CAMK4: variants seen among roughly 807,000 people sequenced by gnomAD.
CAMK4 encodes calcium/calmodulin dependent protein kinase IV.
CAMK4 carries 22 observed loss-of-function variants against 44.9 expected under a neutral mutation model. The ratio of observed to expected loss-of-function variants is 0.49; its 90% CI spans 0.35 to 0.70. The LOEUF is 0.70. Ranked by LOEUF, CAMK4 falls within the 30% of genes least tolerant of loss-of-function variation. The pLI, the probability that CAMK4 is intolerant of heterozygous loss-of-function variation, is 0.01. For synonymous variants in CAMK4, 218 were observed against 215.4 expected, an observed-to-expected ratio of 1.01 and a Z score of -0.11; for missense variants, 498 against 586.8, an observed-to-expected ratio of 0.85 and a Z score of 1.56.
In CAMK4 at chr5:111,488,354, T is replaced by C. The variant is rs1239110051; in HGVS notation, c.*3888T>C. 6.6e-6 allele frequency: 1 copy of C among 152,234 alleles called. No homozygotes were observed. 9.4% of individuals were successfully genotyped at this position (152,234 alleles called of 1,614,324 possible). A position where few individuals can be genotyped will look rare whatever the true frequency, so the allele number is the denominator to read the frequency against. On this transcript the variant is annotated 3_prime_UTR_variant, in exon 11 of 11. Transcript: ENST00000282356. ...AATCAACACTGCCATTACACATGGA[T>C]TTAACAAAAGACTTTTGAAAATTTT...
At chr5:111,391,449 T>G (rs1184393242) in intron 4 of CAMK4, among the ~76,000 whole-genome samples, 1 of 150,762 alleles carries the variant, frequency 6.6e-6, no homozygotes, top group Non-Finnish European at 1.5e-5. Flanking sequence ...GAGCTGGAGG[T>G]CAATAGAGGA....
intron 7 of CAMK4, among the ~76,000 whole-genome samples, chr5:111,459,772 G>A (rs1266291217): frequency 1.4e-4 from 19 of 138,840 alleles, no homozygotes; most frequent in Non-Finnish European, 2.9e-4. Context: ...TCCGCTCACT[G>A]CATCACTGCA....
At chr5:111,371,194 C>T (rs1207464734) in intron 2 of CAMK4, among the ~76,000 whole-genome samples, 1 of 152,168 alleles carries the variant, frequency 6.6e-6, no homozygotes, top group South Asian at 2.1e-4. Context: ...CCTGACACCA[C>T]TGACTGGCTA....
intron 5 of CAMK4, among the ~76,000 whole-genome samples, chr5:111,397,649 C>CTGTT (rs1491269641): frequency 1.1e-5 from 1 of 88,506 alleles, no homozygotes; most frequent in Non-Finnish European, 2.4e-5. Context: ...AGTCAGCATG[C>CTGTT]TGTGTGTGTG....
At chr5:111,469,162 AAAAAAAAAAAATATATAT>A (rs1754961374) in intron 7 of CAMK4, among the ~76,000 whole-genome samples, 1 of 73,494 alleles carries the variant, frequency 1.4e-5, no homozygotes, top group African/African-American at 6.2e-5. Context: ...AAAAAAAAAA[AAAAAAAAAAAATATATAT>A]ATATATATAT....
At chr5:111,391,127 A>G (rs1364325205) in intron 4 of CAMK4, among the ~76,000 whole-genome samples, 3 of 152,170 alleles carry the variant, frequency 2.0e-5, no homozygotes, top group Admixed American at 6.6e-5. Flanking sequence ...ACAAAAATCT[A>G]AAGTCCCTTG....
At chr5:111,467,795 G>GTT (rs1169182460) in intron 7 of CAMK4, among the ~76,000 whole-genome samples, 1 of 152,162 alleles carries the variant, frequency 6.6e-6, no homozygotes, top group Non-Finnish European at 1.5e-5. Context: ...ACAGTGTGGA[G>GTT]ATTCCTTAAA....
intron 9 of CAMK4, among the ~76,000 whole-genome samples, chr5:111,478,935 T>A (rs1265788473): frequency 6.6e-6 from 1 of 152,224 alleles, no homozygotes. Flanking sequence ...TGGAGTGTAA[T>A]GGCATGATCA....
At chr5:111,350,206 A>G (rs1750034348) in intron 2 of CAMK4, among the ~76,000 whole-genome samples, 1 of 152,054 alleles carries the variant, frequency 6.6e-6, no homozygotes, top group Admixed American at 6.6e-5. Context: ...TAAAATAAAT[A>G]TTTCCCACCA....
intron 7 of CAMK4, among the ~76,000 whole-genome samples, chr5:111,463,731 A>G (rs1754721829): frequency 6.6e-6 from 1 of 152,212 alleles, no homozygotes; most frequent in Non-Finnish European, 1.5e-5. Flanking sequence ...GGCTAGATCC[A>G]GAAGATTAAT....
intron 1 of CAMK4, among the ~76,000 whole-genome samples, chr5:111,321,415 C>A (rs1748657160): frequency 6.6e-6 from 1 of 151,202 alleles, no homozygotes. Context: ...AATAAGCCAC[C>A]AACCTTGCCT....
chr5:111,296,367 A>G (rs1261681904), intron 1 of CAMK4, among the ~76,000 whole-genome samples: 3 of 152,246 alleles, frequency 2.0e-5, no homozygotes, highest in Non-Finnish European at 2.9e-5. Flanking sequence ...GTTGGCATTT[A>G]TATTATAGAA....
chr5:111,357,144 G>C (rs1228957678), intron 2 of CAMK4, among the ~76,000 whole-genome samples: 1 of 152,072 alleles, frequency 6.6e-6, no homozygotes, highest in African/African-American at 2.4e-5. Context: ...CTATGGAGCA[G>C]AAAAAGGAGA....
chr5:111,266,434 A>G (rs1750250827), intron 1 of CAMK4, among the ~76,000 whole-genome samples: 1 of 152,134 alleles, frequency 6.6e-6, no homozygotes, highest in Non-Finnish European at 1.5e-5. Flanking sequence ...AGGTATTTAA[A>G]AGCATTTTTA....
rs116342855 is a variant in CAMK4, at chr5:111,337,131, C to T, written c.162-6893C>T. 3.3e-3 allele frequency among the ~76,000 whole-genome samples: 502 copies of T among 151,276 alleles called. 2 individuals carry two copies. Among genetic ancestry groups the T allele is most frequent in the African/African-American group, 0.012 (494 of 41,424 alleles). On this transcript the variant is annotated intron_variant, in intron 1 of 10. Transcript: ENST00000282356. ...TACTTTGTAGTCAATCCCTCTCCAA[C>T]CTGTGAGAGTATTATAAATGAGATT...
At chr5:111,251,637 T>G (rs985740014) in intron 1 of CAMK4, among the ~76,000 whole-genome samples, 1 of 152,230 alleles carries the variant, frequency 6.6e-6, no homozygotes, top group Non-Finnish European at 1.5e-5. Context: ...TCTGTGAGTC[T>G]TCTTATGTCT....
intron 1 of CAMK4, among the ~76,000 whole-genome samples, chr5:111,343,410 T>A (rs554796973): frequency 6.6e-6 from 1 of 151,924 alleles, no homozygotes; most frequent in South Asian, 2.1e-4. Flanking sequence ...TTGCTTCTCA[T>A]GTGGTGTTTG....
chr5:111,250,137 C>G lies in CAMK4; in HGVS notation c.161+25493C>G, dbSNP rs75931882. ...TGAAGTGAATTTTCTGTCAAATTTA[C>G]TATGTCCTAGACAAAATATCTAAGA... On this transcript the variant is annotated intron_variant, in intron 1 of 10. Coordinates refer to ENST00000282356, the MANE Select transcript of CAMK4 (RefSeq NM_001744.6). 1.5e-3 allele frequency among the ~76,000 whole-genome samples: 230 copies of G among 152,300 alleles called. 1 individual carries two copies. Among genetic ancestry groups the G allele is most frequent in the Non-Finnish European group, 2.2e-3 (151 of 68,018 alleles).
At chr5:111,479,977 T>C (rs1234515917) in intron 9 of CAMK4, among the ~76,000 whole-genome samples, 1 of 152,008 alleles carries the variant, frequency 6.6e-6, no homozygotes, top group Non-Finnish European at 1.5e-5. Flanking sequence ...GTCTTATAAA[T>C]AAATCGCATC....
Sources: allele counts gnomAD v4.1 joint callset (sites outside exome capture counted in the v4.1 genomes callset), GRCh38; gene constraint gnomAD v4.1.1; transcripts MANE v1.5; gene names NCBI Gene and HGNC (gene_info 2026-07-23, HGNC 2026-07-21).